The following MDGA2 variants were observed in gnomAD, a reference collection of about 807,000 sequenced individuals.
MDGA2 encodes MAM domain-containing glycosylphosphatidylinositol anchor protein 2.
Under a neutral mutation model 117.8 loss-of-function variants are expected in MDGA2, and 40 were observed. That is an observed-to-expected ratio of 0.34 (90% CI 0.26 to 0.44). The LOEUF is 0.44. Among genes scored for constraint, MDGA2 ranks in the 20% least tolerant of loss-of-function variants. The pLI is 1.00. For missense variants in MDGA2, 1,123 were observed against 1,250.6 expected (o/e 0.90, Z 1.54); for synonymous variants, 452 against 439.0 (o/e 1.03, Z -0.37).
chr14:47,586,453 G>A (rs964518530), intron 1 of MDGA2, among the ~76,000 whole-genome samples: 3 of 151,850 alleles, frequency 2.0e-5, no homozygotes, highest in African/African-American at 4.8e-5. Context: ...ATCTTAGAAA[G>A]CTTAGAATAA....
Position 47,062,889 on chromosome 14 carries a change from T to C in MDGA2, c.1196-1311A>G, listed in dbSNP as rs892358154. ...GCCTCAAATATTTTCATCTGCTTTC[T>C]TGTTGGCATCTCAATAGGAAGATAT... On this transcript the variant is annotated intron_variant, in intron 6 of 16. Transcript: ENST00000399232. 3.3e-5 allele frequency among the ~76,000 whole-genome samples: 5 copies of C among 152,224 alleles called. No homozygotes were observed. In the East Asian group the frequency reaches 9.6e-4, roughly 29 times the overall value.
chr14:47,564,931 T>C (rs1457470359), intron 1 of MDGA2, among the ~76,000 whole-genome samples: 1 of 152,230 alleles, frequency 6.6e-6, no homozygotes, highest in Non-Finnish European at 1.5e-5. Context: ...ATTTTGAAAT[T>C]CTTGTTGAGT....
intron 8 of MDGA2, among the ~76,000 whole-genome samples, chr14:46,997,379 A>G (rs1887334335): frequency 6.6e-6 from 1 of 152,196 alleles, no homozygotes; most frequent in African/African-American, 2.4e-5. Context: ...AAGGAGATTG[A>G]TAGAGATGTA....
intron 9 of MDGA2, among the ~76,000 whole-genome samples, chr14:46,922,000 G>T (rs1389452149): frequency 6.6e-6 from 1 of 152,000 alleles, no homozygotes; most frequent in African/African-American, 2.4e-5. Context: ...GATTGATTCA[G>T]TTCTAAGTAG....
At chr14:47,220,642 T>G (rs1886264596) in intron 2 of MDGA2, among the ~76,000 whole-genome samples, 1 of 152,192 alleles carries the variant, frequency 6.6e-6, no homozygotes, top group Non-Finnish European at 1.5e-5. Flanking sequence ...AGCCCTGGAC[T>G]TCTATATGGG....
intron 1 of MDGA2, among the ~76,000 whole-genome samples, chr14:47,465,846 T>C (rs1566471068): frequency 1.3e-5 from 2 of 152,238 alleles, no homozygotes; most frequent in East Asian, 3.9e-4. Context: ...TCCAGAGGAA[T>C]AAAAATCGTT....
At chr14:47,079,062 G>A (rs547745828) in intron 6 of MDGA2, among the ~76,000 whole-genome samples, 12 of 151,134 alleles carry the variant, frequency 7.9e-5, no homozygotes, top group Non-Finnish European at 1.2e-4. Flanking sequence ...AAGGATGGAA[G>A]GAAGAAAGGA....
At chr14:47,001,804 C>T (rs938850992) in intron 8 of MDGA2, among the ~76,000 whole-genome samples, 29 of 152,012 alleles carry the variant, frequency 1.9e-4, no homozygotes, top group African/African-American at 6.8e-4. Flanking sequence ...GCAATTCACA[C>T]GGACAGAATA....
At chr14:47,009,596 A>G (rs1380545129) in intron 8 of MDGA2, among the ~76,000 whole-genome samples, 1 of 152,102 alleles carries the variant, frequency 6.6e-6, no homozygotes, top group African/African-American at 2.4e-5. Context: ...TGTGAGAATT[A>G]CTTTTTTATG....
chr14:46,880,663 A>G (rs1882410087), intron 11 of MDGA2, among the ~76,000 whole-genome samples: 1 of 151,168 alleles, frequency 6.6e-6, no homozygotes, highest in African/African-American at 2.4e-5. Context: ...TTAGTAGGGC[A>G]TGGTGGCACA....
intron 8 of MDGA2, among the ~76,000 whole-genome samples, chr14:46,963,548 T>G (rs1190879699): frequency 6.6e-6 from 1 of 152,228 alleles, no homozygotes; most frequent in African/African-American, 2.4e-5. Context: ...ACATGACAAG[T>G]CTTTTGTAGA....
In MDGA2 at chr14:47,205,085, C is replaced by T. The variant is rs181657586; in HGVS notation, c.595+12936G>A. ...AGATACATAACATACATATATAGTT[C>T]GTTTCTGTCTGTACGTGTATATGTG... On this transcript the variant is annotated intron_variant, in intron 3 of 16. Transcript: ENST00000399232. Among the ~76,000 whole-genome samples, 82 of 151,764 alleles carry T rather than the reference C, an allele frequency of 5.4e-4. 3 individuals carry two copies. The East Asian group carries it at 9.1e-3, about 17-fold the overall frequency.
At chr14:47,382,125 T>C (rs1366156049) in intron 1 of MDGA2, among the ~76,000 whole-genome samples, 1 of 152,150 alleles carries the variant, frequency 6.6e-6, no homozygotes. Context: ...ATTTAATAAA[T>C]GATGCTGGGA....
intron 1 of MDGA2, among the ~76,000 whole-genome samples, chr14:47,329,107 T>G (rs765295476): frequency 7.9e-5 from 12 of 152,090 alleles, no homozygotes; most frequent in Non-Finnish European, 7.4e-5. Context: ...TATATACATA[T>G]ATATAGTAGA....
chr14:46,906,972 C>CTTT (rs372756942), intron 10 of MDGA2, among the ~76,000 whole-genome samples: 38 of 99,530 alleles, frequency 3.8e-4, no homozygotes, highest in Non-Finnish European at 6.2e-4. Context: ...TTACCTTTTT[C>CTTT]TTTTTTTTTT....
At chr14:47,097,475 C>T (rs1880042679) in intron 5 of MDGA2, among the ~76,000 whole-genome samples, 1 of 151,836 alleles carries the variant, frequency 6.6e-6, no homozygotes, top group African/African-American at 2.4e-5. Flanking sequence ...TTGTCATTCC[C>T]AGTACAGATA....
At chr14:47,567,065 C>A (rs1895933433) in intron 1 of MDGA2, among the ~76,000 whole-genome samples, 1 of 151,866 alleles carries the variant, frequency 6.6e-6, no homozygotes, top group Admixed American at 6.6e-5. Context: ...CCACTACGCC[C>A]AGCTATCTTT....
intron 1 of MDGA2, among the ~76,000 whole-genome samples, chr14:47,435,480 C>T (rs1470798113): frequency 1.3e-5 from 2 of 152,100 alleles, no homozygotes; most frequent in Non-Finnish European, 2.9e-5. Flanking sequence ...CTGAGCATAA[C>T]CTAGAAATTG....
chr14:47,164,601 A>T (rs898413743), intron 3 of MDGA2, among the ~76,000 whole-genome samples: 5 of 152,192 alleles, frequency 3.3e-5, no homozygotes, highest in Non-Finnish European at 7.3e-5. Context: ...GTCAGGAAAC[A>T]ACAGGTGTTG....
Sources: gnomAD v4.1 joint callset for allele counts (sites outside exome capture counted in the v4.1 genomes callset) on GRCh38, gnomAD v4.1.1 for gene constraint, MANE v1.5 for transcripts, NCBI Gene and HGNC (gene_info 2026-07-23, HGNC 2026-07-21) for gene names.